Variants in ZNF148 observed in about 807,000 individuals in gnomAD.
The protein encoded by ZNF148 is Beta-Enolase Repressor Factor-1.
In ZNF148, 7 loss-of-function variants were observed where a neutral mutation model predicts 67.7. That is an observed-to-expected ratio of 0.10 (90% CI 0.06 to 0.19). The LOEUF (loss-of-function observed/expected upper bound fraction) is 0.19. ZNF148 is among the 10% of genes least tolerant of loss of function. The pLI is 1.00. For missense variants in ZNF148, 583 were observed against 947.1 expected, an observed-to-expected ratio of 0.62 and a Z score of 5.05; for synonymous variants, 333 against 330.7, an observed-to-expected ratio of 1.01 and a Z score of -0.08.
chr3:125,274,551 T>C (rs936404301), intron 7 of ZNF148, among the ~76,000 whole-genome samples: 7 of 152,220 alleles, frequency 4.6e-5, no homozygotes, highest in African/African-American at 1.7e-4. Flanking sequence ...AATAATAGCC[T>C]GTCTAGAGCA....
chr3:125,344,310 C>A (rs563511490), intron 1 of ZNF148: 14 of 502,028 alleles, frequency 2.8e-5, no homozygotes, highest in South Asian at 2.4e-4. Context: ...GACCTAGTGA[C>A]CTGAATGAAA....
chr3:125,252,073 GAT>G (rs1936862797), intron 7 of ZNF148, among the ~76,000 whole-genome samples: 3 of 152,242 alleles, frequency 2.0e-5, no homozygotes, highest in African/African-American at 7.2e-5. Context: ...TAACCATTTA[GAT>G]ATCCTTTTTG....
chr3:125,241,616 G>A lies in ZNF148; in HGVS notation c.668-7287C>T, dbSNP rs372607873. ...AATTAGCTCATTCTTTCTGACAGCG[G>A]ATGTTATTTATTTTTCACTGATGGA... On this transcript the variant is annotated intron_variant, in intron 7 of 8. Coordinates refer to ENST00000360647, the MANE Select transcript of ZNF148 (RefSeq NM_021964.3). 9.5e-4 allele frequency among the ~76,000 whole-genome samples: 145 copies of A among 152,216 alleles called. 1 individual carries two copies. The highest frequency in any genetic ancestry group is 3.0e-3 in the African/African-American group (125 of 41,526).
At chr3:125,256,167 T>A (rs1166994524) in intron 7 of ZNF148, among the ~76,000 whole-genome samples, 1 of 149,978 alleles carries the variant, frequency 6.7e-6, no homozygotes, top group Non-Finnish European at 1.5e-5. Context: ...ATCGAGCCCA[T>A]CCTGGCTAAC....
At chr3:125,328,288 C>A (rs1941119011) in intron 2 of ZNF148, among the ~76,000 whole-genome samples, 1 of 151,952 alleles carries the variant, frequency 6.6e-6, no homozygotes, top group African/African-American at 2.4e-5. Flanking sequence ...CCCACCTCAG[C>A]CATGGAAGAT....
At chr3:125,251,121 A>G (rs1242710038) in intron 7 of ZNF148, among the ~76,000 whole-genome samples, 1 of 152,182 alleles carries the variant, frequency 6.6e-6, no homozygotes, top group Non-Finnish European at 1.5e-5. Flanking sequence ...TAGCTCATTA[A>G]ATTTCCACAA....
At chr3:125,236,218 C>G (rs1339603078) in intron 7 of ZNF148, among the ~76,000 whole-genome samples, 3 of 152,020 alleles carry the variant, frequency 2.0e-5, no homozygotes, top group Admixed American at 6.6e-5. Context: ...GTACCTTACA[C>G]AATTAAAAAA....
chr3:125,240,131 C>A (rs374850845), intron 7 of ZNF148, among the ~76,000 whole-genome samples: 7 of 152,154 alleles, frequency 4.6e-5, no homozygotes, highest in Admixed American at 3.9e-4. Context: ...CATGGTAATA[C>A]AATTGATACT....
chr3:125,326,056 A>C (rs774383300), intron 2 of ZNF148, among the ~76,000 whole-genome samples: 1 of 152,220 alleles, frequency 6.6e-6, no homozygotes, highest in Non-Finnish European at 1.5e-5. Context: ...AGACAGCAAA[A>C]CTATCCTTCA....
chr3:125,269,556 T>C (rs977491885), intron 7 of ZNF148, among the ~76,000 whole-genome samples: 2 of 152,044 alleles, frequency 1.3e-5, no homozygotes, highest in African/African-American at 4.8e-5. Context: ...TGGAGATTTC[T>C]CAAGGAAGTA....
At chr3:125,236,492 C>G (rs1469554255) in intron 7 of ZNF148, among the ~76,000 whole-genome samples, 1 of 151,798 alleles carries the variant, frequency 6.6e-6, no homozygotes, top group Non-Finnish European at 1.5e-5. Flanking sequence ...GAAATTTAAG[C>G]TGAGTAGCAG....
intron 7 of ZNF148, among the ~76,000 whole-genome samples, chr3:125,275,144 G>A (rs1387291439): frequency 6.6e-6 from 1 of 152,124 alleles, no homozygotes; most frequent in Non-Finnish European, 1.5e-5. Flanking sequence ...GTAAAGAAGG[G>A]AAAACTATCC....
At chr3:125,337,047 C>A (rs1201166618) in intron 1 of ZNF148, among the ~76,000 whole-genome samples, 3 of 148,808 alleles carry the variant, frequency 2.0e-5, no homozygotes, top group East Asian at 1.9e-4. Flanking sequence ...AAGCCAAAAT[C>A]TTTAAAACTT....
chr3:125,327,591 T>G (rs1273862846), intron 2 of ZNF148, among the ~76,000 whole-genome samples: 2 of 152,116 alleles, frequency 1.3e-5, no homozygotes, highest in Non-Finnish European at 2.9e-5. Flanking sequence ...GAGCCTGAGG[T>G]GGATGGATTG....
intron 1 of ZNF148, among the ~76,000 whole-genome samples, chr3:125,356,611 GA>G (rs745480733): frequency 6.6e-6 from 1 of 152,134 alleles, no homozygotes; most frequent in African/African-American, 2.4e-5. Context: ...ATAAAATTAA[GA>G]AACGCTCTTG....
intron 1 of ZNF148, among the ~76,000 whole-genome samples, chr3:125,369,261 C>CAA (rs71148178): frequency 0.26 from 3,362 of 12,852 alleles, 1,357 homozygotes; most frequent in Middle Eastern, 0.62. Flanking sequence ...GATCCTGCCT[C>CAA]AAAAAAAAAA....
intron 4 of ZNF148, among the ~76,000 whole-genome samples, chr3:125,302,306 A>C (rs1939634200): frequency 6.6e-6 from 1 of 151,540 alleles, no homozygotes; most frequent in South Asian, 2.1e-4. Context: ...TGACCCAAAG[A>C]GATCAAGTCT....
intron 1 of ZNF148, among the ~76,000 whole-genome samples, chr3:125,363,688 C>T (rs565781102): frequency 3.0e-4 from 45 of 151,756 alleles, no homozygotes; most frequent in African/African-American, 1.1e-3. Flanking sequence ...ACAGGGTCTC[C>T]CTCTGTCACC....
chr3:125,346,984 T>A (rs1428364669), intron 1 of ZNF148, among the ~76,000 whole-genome samples: 1 of 152,110 alleles, frequency 6.6e-6, no homozygotes, highest in Non-Finnish European at 1.5e-5. Flanking sequence ...CTAAAGCTAC[T>A]AGAATAAACA....
Sources: gnomAD v4.1 joint callset for allele counts (sites outside exome capture counted in the v4.1 genomes callset) on GRCh38, gnomAD v4.1.1 for gene constraint, MANE v1.5 for transcripts, NCBI Gene and HGNC (gene_info 2026-07-23, HGNC 2026-07-21) for gene names.